The following ZNF732 variants were observed in gnomAD, a reference collection of about 807,000 sequenced individuals.
ZNF732 encodes the protein zinc finger protein LOC654254.
A neutral mutation model predicts 11.5 loss-of-function variants in ZNF732; 12 were observed. The observed-to-expected ratio is 1.05, with a 90% CI of 0.67 to 1.70. The LOEUF (loss-of-function observed/expected upper bound fraction) is 1.70. Among genes scored for constraint, ZNF732 ranks in the 40% most tolerant of loss-of-function variants. The pLI, the probability that ZNF732 is intolerant of heterozygous loss-of-function variation, is 0.00. For synonymous variants in ZNF732, 231 were observed against 236.5 expected (o/e 0.98, Z 0.21); for missense variants, 702 against 676.9 (o/e 1.04, Z -0.41).
chr4:272,388 T>C lies in ZNF732; in HGVS notation c.469A>G (p.Asn157Asp), dbSNP rs782319841. The stretch of plus-strand genomic sequence containing the variant: ...CCAGTATGTCTTATCCTACGTTGGT[T>C]TGAATTTGAAAATGTACTAAATACT... ...VKVFSTFSNS[N>D]QRRIRHTGEK... is the part of the protein sequence containing the mutation. Residue 157 changes from asparagine (N) to aspartate (D), a missense_variant, in exon 4 of 4, where the codon AAC becomes GAC. Around this residue, in one of 3 missense-constraint regions of ZNF732, gnomAD observed 596 missense variants for 557.9 expected, o/e 1.07. Transcript: ENST00000419098. The C allele has an allele frequency of 1.1e-5, 18 of 1,598,726 alleles. No homozygotes were observed. Among genetic ancestry groups the C allele is most frequent in the Admixed American group, 7.0e-5 (4 of 56,994 alleles).
In ZNF732 at chr4:299,421, A is replaced by G. The variant is rs1414435190; in HGVS notation, c.4-3266T>C. Among the ~76,000 whole-genome samples the G allele has an allele frequency of 2.8e-5, 3 of 107,830 alleles. 1 individual carries two copies. The highest frequency in any genetic ancestry group is 5.5e-5 in the Non-Finnish European group (3 of 54,776). 70.7% of individuals were successfully genotyped at this position (107,830 alleles called of 152,430 possible). A position where few individuals can be genotyped will look rare whatever the true frequency, so the allele number is the denominator to read the frequency against. ...CATATGTGTATATATATATACACATATATACACATATGTGTATATATATAT... is the reference window on the plus strand; with the variant it reads ...CATATGTGTATATATATATACACATGTATACACATATGTGTATATATATAT... On this transcript the variant is annotated intron_variant, in intron 1 of 3. Coordinates refer to ENST00000419098, the MANE Select transcript of ZNF732 (RefSeq NM_001137608.3).
At chr4:274,909 A>C (rs1362643764) in intron 3 of ZNF732, among the ~76,000 whole-genome samples, 1 of 151,768 alleles carries the variant, frequency 6.6e-6, no homozygotes, top group Non-Finnish European at 1.5e-5. Context: ...CAAATATACA[A>C]AGCCAATACT....
chr4:279,136 G>GAA (rs111326176), intron 3 of ZNF732, among the ~76,000 whole-genome samples: 9 of 147,176 alleles, frequency 6.1e-5, no homozygotes, highest in Admixed American at 1.4e-4. Flanking sequence ...CTGAGATAGT[G>GAA]AAAAAAAAAA....
At chr4:276,121 A>G (rs1553838645) in intron 3 of ZNF732, among the ~76,000 whole-genome samples, 1 of 151,824 alleles carries the variant, frequency 6.6e-6, no homozygotes. Context: ...ACACACAAAT[A>G]TAGATTTACA....
intron 1 of ZNF732, among the ~76,000 whole-genome samples, chr4:304,672 T>C (rs1213095966): frequency 6.6e-6 from 1 of 152,148 alleles, no homozygotes; most frequent in Non-Finnish European, 1.5e-5. Flanking sequence ...TTCAATAATG[T>C]GGCAGAACTA....
intron 1 of ZNF732, among the ~76,000 whole-genome samples, chr4:301,585 G>A (rs949362231): frequency 2.0e-5 from 3 of 152,156 alleles, no homozygotes; most frequent in Admixed American, 6.5e-5. Flanking sequence ...GGATGAAGCT[G>A]GAAACCATCA....
At chr4:298,628 GGCTGAT>G (rs782381725) in intron 1 of ZNF732, among the ~76,000 whole-genome samples, 14 of 152,074 alleles carry the variant, frequency 9.2e-5, no homozygotes, top group Non-Finnish European at 1.9e-4. Flanking sequence ...AGTGACCTTG[GGCTGAT>G]ATCCCCATAG....
intron 3 of ZNF732, 61 bp downstream of exon 3, chr4:295,377 A>G (rs964384895): frequency 1.8e-5 from 24 of 1,367,216 alleles, no homozygotes; most frequent in Non-Finnish European, 2.3e-5. Context: ...TTTAAGGCCT[A>G]GCTTCCTTCT....
chr4:273,647 CGG>C (rs1323234608), intron 3 of ZNF732, among the ~76,000 whole-genome samples: 1 of 151,496 alleles, frequency 6.6e-6, no homozygotes, highest in African/African-American at 2.4e-5. Flanking sequence ...GATATAAAAA[CGG>C]AAGAAGCTCA....
chr4:299,039 T>C (rs1247427950), intron 1 of ZNF732, among the ~76,000 whole-genome samples: 2 of 152,112 alleles, frequency 1.3e-5, no homozygotes, highest in African/African-American at 4.8e-5. Context: ...GAGTTTTCTG[T>C]TATGTCTTCA....
At chr4:297,573 G>A (rs1719978824) in intron 1 of ZNF732, among the ~76,000 whole-genome samples, 3 of 117,214 alleles carry the variant, frequency 2.6e-5, no homozygotes, top group South Asian at 6.0e-4. Flanking sequence ...ATGCAATTCA[G>A]AGAAATTTAT....
At chr4:277,504 C>A (rs191165538) in intron 3 of ZNF732, among the ~76,000 whole-genome samples, 15 of 151,890 alleles carry the variant, frequency 9.9e-5, no homozygotes, top group Admixed American at 7.2e-4. Flanking sequence ...CCAAAAAGTA[C>A]ATGCAAAGAT....
chr4:297,278 A>C (rs1420325480), intron 1 of ZNF732, among the ~76,000 whole-genome samples: 5 of 151,760 alleles, frequency 3.3e-5, no homozygotes, highest in Non-Finnish European at 7.4e-5. Flanking sequence ...AAAAAAAAAA[A>C]CAACAAAAAA....
At chr4:281,440 G>T (rs79295381) in intron 3 of ZNF732, among the ~76,000 whole-genome samples, 1 of 152,312 alleles carries the variant, frequency 6.6e-6, no homozygotes, top group African/African-American at 2.4e-5. Context: ...AGCCACACCT[G>T]CTCACATTGA....
intron 3 of ZNF732, among the ~76,000 whole-genome samples, chr4:293,069 A>C (rs1553841593): frequency 1.3e-5 from 1 of 79,398 alleles, no homozygotes. Context: ...CTCCATCTCA[A>C]AAAAAAAAAA....
At chr4:299,454 CATATGTGTATATAT>C (rs1720051032) in intron 1 of ZNF732, among the ~76,000 whole-genome samples, 1 of 55,388 alleles carries the variant, frequency 1.8e-5, no homozygotes, top group South Asian at 1.1e-3. Flanking sequence ...TATATATACA[CATATGTGTATATAT>C]ATATACACAT....
Position 272,335 on chromosome 4 carries a change from C to T in ZNF732, c.522G>A (p.Lys174=), listed in dbSNP as rs114394748. Residue 174 remains lysine (K), a synonymous_variant, in exon 4 of 4, where the codon AAG becomes AAA. Transcript: ENST00000419098. ...TTAGGTCTGAGAACTTCTGAAATGA[C>T]TTGCCACATTCTTTAAAGTGTTTCT... is the stretch of plus-strand genomic sequence containing the variant. The part of the protein sequence containing the change: ...TGEKHFKECG[K]SFQKFSDLTQ... The T allele has an allele frequency of 0.032, 51,268 of 1,610,468 alleles. 989 individuals are homozygous for T. Among genetic ancestry groups the T allele is most frequent in the Middle Eastern group, 0.046 (280 of 6,054 alleles).
intron 3 of ZNF732, among the ~76,000 whole-genome samples, chr4:294,735 A>C (rs1719909740): frequency 6.6e-6 from 1 of 152,236 alleles, no homozygotes; most frequent in East Asian, 1.9e-4. Context: ...CGTGTGGCTC[A>C]AGACAATTCT....
chr4:305,255 G>A, intron 1 of ZNF732, 53 bp downstream of exon 1: 2 of 1,585,888 alleles, frequency 1.3e-6, no homozygotes, highest in Non-Finnish European at 1.7e-6. Context: ...GCCATTTCCC[G>A]CCGGTTCGGA....
Sources: allele counts gnomAD v4.1 joint callset (sites outside exome capture counted in the v4.1 genomes callset), GRCh38; gene constraint gnomAD v4.1.1; regional missense constraint gnomAD v4.1.1; transcripts MANE v1.5; gene names NCBI Gene and HGNC (gene_info 2026-07-23, HGNC 2026-07-21).